The following CYP2C8 variants were observed in gnomAD, a reference collection of about 807,000 sequenced individuals.
CYP2C8 encodes cytochrome P450 2C8.
In CYP2C8, 51 loss-of-function variants were observed where a neutral mutation model predicts 41.3. The ratio of observed to expected loss-of-function variants is 1.24; its 90% CI spans 0.99 to 1.56. The LOEUF (loss-of-function observed/expected upper bound fraction) is 1.56, where lower values mean the gene tolerates loss of function less well. Ranked by LOEUF, CYP2C8 falls within the 40% of genes most tolerant of loss-of-function variation. The pLI, the probability that CYP2C8 is intolerant of heterozygous loss-of-function variation, is 0.00. For synonymous variants in CYP2C8, 218 were observed against 205.8 expected, an observed-to-expected ratio of 1.06 and a Z score of -0.51; for missense variants, 651 against 579.9, an observed-to-expected ratio of 1.12 and a Z score of -1.26.
intron 3 of CYP2C8, among the ~76,000 whole-genome samples, chr10:95,065,908 T>A (rs1034132600): frequency 6.6e-6 from 1 of 152,096 alleles, no homozygotes; most frequent in Non-Finnish European, 1.5e-5. Context: ...TGAACATAAA[T>A]GGAAAGGGTG....
chr10:95,037,389 A>G (rs2032907344), intron 8 of CYP2C8, 80 bp from the exon 9 acceptor site: 2 of 1,228,948 alleles, frequency 1.6e-6, no homozygotes, highest in Admixed American at 1.9e-5. Flanking sequence ...TGACTTGCAC[A>G]AACAGAATAT....
Position 95,042,969 on chromosome 10 carries a change from C to T in CYP2C8, c.1070G>A (p.Arg357Lys). 6.2e-7 allele frequency: 1 copy of T among 1,614,204 alleles called. No homozygotes were observed. The highest frequency in any genetic ancestry group is 1.1e-5 in the South Asian group (1 of 91,080). Reference protein sequence around the residue: ...YTDAVVHEIQRYSDLVPTGVP... With the variant: ...YTDAVVHEIQKYSDLVPTGVP... ...ACCGGTGGGGACAAGGTCACTGTAT[C>T]TCTGGATCTCGTGCACTACAGCATC... Residue 357 changes from arginine (R) to lysine (K), a missense_variant, in exon 7 of 9, where the codon AGA becomes AAA. Coordinates refer to ENST00000371270, the MANE Select transcript of CYP2C8 (RefSeq NM_000770.3).
At chr10:95,069,083 G>T in intron 1 of CYP2C8, 152 bp downstream of exon 1, 2 of 905,910 alleles carry the variant, frequency 2.2e-6, no homozygotes, top group Non-Finnish European at 3.4e-6. Context: ...AAAATAGGAA[G>T]ACAAAAGAAA....
At chr10:95,054,441 GTAT>G (rs1193763535) in intron 5 of CYP2C8, among the ~76,000 whole-genome samples, 2 of 151,614 alleles carry the variant, frequency 1.3e-5, no homozygotes, top group Non-Finnish European at 2.9e-5. Flanking sequence ...AATTCCAAAG[GTAT>G]TTTATATCAA....
intron 6 of CYP2C8, 57 bp from the exon 7 acceptor site, chr10:95,043,134 A>G (rs1164973802): frequency 6.6e-7 from 1 of 1,510,394 alleles, no homozygotes; most frequent in Non-Finnish European, 9.2e-7. Context: ...CATTTGTCAT[A>G]GCAATTCATG....
chr10:95,043,966 A>G (rs572018257), intron 6 of CYP2C8, among the ~76,000 whole-genome samples: 3 of 152,284 alleles, frequency 2.0e-5, no homozygotes, highest in South Asian at 2.1e-4. Flanking sequence ...GTATTTGCAC[A>G]TGTTTGAAAC....
At chr10:95,057,408 A>G (rs541152950) in intron 5 of CYP2C8, among the ~76,000 whole-genome samples, 2 of 152,224 alleles carry the variant, frequency 1.3e-5, no homozygotes, top group Non-Finnish European at 2.9e-5. Flanking sequence ...CTATAGATTT[A>G]ATGCAATCTT....
chr10:95,067,477 C>T lies in CYP2C8; in HGVS notation c.331+52G>A, dbSNP rs2033595849. ...GAGAAGCTTTTTAGGGCTCTGTTTTCCATCCCCCTCACCCCAGTTACCAAA... is the reference window on the plus strand; with the variant it reads ...GAGAAGCTTTTTAGGGCTCTGTTTTTCATCCCCCTCACCCCAGTTACCAAA... On this transcript the variant is annotated intron_variant, in intron 2 of 8. Transcript: ENST00000371270. 1.9e-6 allele frequency: 3 copies of T among 1,613,302 alleles called. No homozygotes were observed. The South Asian group carries it at 3.3e-5, about 18-fold the overall frequency.
intron 4 of CYP2C8, among the ~76,000 whole-genome samples, chr10:95,062,782 G>C (rs57221945): frequency 6.6e-6 from 1 of 152,170 alleles, no homozygotes; most frequent in Non-Finnish European, 1.5e-5. Context: ...GGTACCGGTT[G>C]TTCCTTTCCA....
chr10:95,043,173 G>T, intron 6 of CYP2C8, 96 bp from the exon 7 acceptor site: 1 of 1,152,472 alleles, frequency 8.7e-7, no homozygotes, highest in Non-Finnish European at 1.3e-6. Flanking sequence ...AAAAATCCCA[G>T]CAACATTACA....
Position 95,058,456 on chromosome 10 carries a change from A to C in CYP2C8, c.698T>G (p.Val233Gly). Reference sequence around the variant, plus strand: ...TCGTGTAAGAGCAACATTTTTAAGCACTTTGTTGTGAGTTCCTGGGAAACA... The same window carrying C: ...TCGTGTAAGAGCAACATTTTTAAGCCCTTTGTTGTGAGTTCCTGGGAAACA... Reference protein sequence around the residue: ...IDCFPGTHNKVLKNVALTRSY... With the variant: ...IDCFPGTHNKGLKNVALTRSY... The change falls in exon 5 of 9, where the codon GTG becomes GGG. Residue 233 changes from valine to glycine, a missense_variant. Coordinates refer to ENST00000371270, the MANE Select transcript of CYP2C8 (RefSeq NM_000770.3). 1 of 1,613,372 alleles carries C rather than the reference A, an allele frequency of 6.2e-7. No individual in the cohort carries two copies. Among genetic ancestry groups the C allele is most frequent in the Non-Finnish European group, 8.5e-7 (1 of 1,179,606 alleles).
intron 5 of CYP2C8, among the ~76,000 whole-genome samples, chr10:95,054,912 C>A (rs960914090): frequency 6.6e-6 from 1 of 151,968 alleles, no homozygotes; most frequent in African/African-American, 2.4e-5. Context: ...AAATAAATGG[C>A]AAACCATGTC....
Position 95,058,360 on chromosome 10 carries a change from T to C in CYP2C8, c.794A>G (p.Asp265Gly). 1.2e-6 allele frequency: 2 copies of C among 1,613,386 alleles called. No homozygotes were observed. Among genetic ancestry groups the C allele is most frequent in the Non-Finnish European group, 8.5e-7 (1 of 1,179,580 alleles). ...LDVNNPRDFI[D>G]CFLIKMEQEK... Reference sequence around the variant, plus strand: ...CTGCTCCATTTTGATCAGGAAGCAATCGATAAAGTCCCGAGGATTGTTAAC... The same window carrying C: ...CTGCTCCATTTTGATCAGGAAGCAACCGATAAAGTCCCGAGGATTGTTAAC... The change falls in exon 5 of 9, where the codon GAT becomes GGT. Residue 265 changes from aspartate to glycine, a missense_variant. Physicochemically the swap from Asp to Gly is moderately conservative, Grantham distance 94. Coordinates refer to ENST00000371270, the MANE Select transcript of CYP2C8 (RefSeq NM_000770.3).
chr10:95,043,033 T>A lies in CYP2C8; in HGVS notation c.1006A>T (p.Ser336Cys), dbSNP rs758711911. ...EIDHVIGRHR[S>C]PCMQDRSHMP... ...TGGCTCCTATCCTGCATGCAGGGGC[T>A]CCTGTGTCTGCCAATTACATGATCA... The change falls in exon 7 of 9, where the codon AGC becomes TGC. Residue 336 changes from serine (S) to cysteine (C), a missense_variant. Coordinates refer to ENST00000371270, the MANE Select transcript of CYP2C8 (RefSeq NM_000770.3). 6.2e-7 allele frequency: 1 copy of A among 1,614,174 alleles called. No homozygotes were observed. The highest frequency in any genetic ancestry group is 8.5e-7 in the Non-Finnish European group (1 of 1,180,022).
intron 1 of CYP2C8, among the ~76,000 whole-genome samples, chr10:95,068,374 TC>T (rs1344034901): frequency 6.6e-6 from 1 of 152,234 alleles, no homozygotes; most frequent in East Asian, 1.9e-4. Context: ...ACAGTGGCTT[TC>T]TTCAGAATCC....
At chr10:95,058,571 A>T in intron 4 of CYP2C8, 60 bp from the exon 5 acceptor site, 1 of 1,417,666 alleles carries the variant, frequency 7.1e-7, no homozygotes, top group Non-Finnish European at 9.7e-7. Context: ...TCTTACACCA[A>T]GCCCTGATTG....
At chr10:95,056,795 G>C (rs1307574303) in intron 5 of CYP2C8, among the ~76,000 whole-genome samples, 12 of 151,238 alleles carry the variant, frequency 7.9e-5, no homozygotes, top group Admixed American at 7.9e-4. Context: ...TGATAAAAAA[G>C]TTTTGAAAGT....
rs755429980 is a variant in CYP2C8 at position 95,043,059 on chromosome 10, A to G, written c.980T>C (p.Ile327Thr). ...PEVTAKVQEE[I>T]DHVIGRHRSP... ...CCTGTGTCTGCCAATTACATGATCA[A>G]TCTCTTCCTGGACTTTAGCTGACAA... Residue 327 changes from isoleucine to threonine, a missense_variant, in exon 7 of 9, where the codon ATT becomes ACT. Physicochemically the swap from Ile to Thr is moderately conservative, Grantham distance 89. Transcript: ENST00000371270. 3.7e-6 allele frequency: 6 copies of G among 1,614,142 alleles called. No individual in the cohort carries two copies. Among genetic ancestry groups the G allele is most frequent in the Non-Finnish European group, 4.2e-6 (5 of 1,180,014 alleles).
intron 5 of CYP2C8, among the ~76,000 whole-genome samples, chr10:95,047,744 G>C (rs2033137798): frequency 6.6e-6 from 1 of 152,172 alleles, no homozygotes; most frequent in South Asian, 2.1e-4. Flanking sequence ...CTCATAAATT[G>C]AAAGTGTGAA....
Sources: gnomAD v4.1 joint callset for allele counts (sites outside exome capture counted in the v4.1 genomes callset) on GRCh38, gnomAD v4.1.1 for gene constraint, MANE v1.5 for transcripts, NCBI Gene and HGNC (gene_info 2026-07-23, HGNC 2026-07-21) for gene names.